MRAP2: variants seen among roughly 807,000 people sequenced by gnomAD.
MRAP2 encodes melanocortin-2 receptor accessory protein 2.
In MRAP2, 20 loss-of-function variants were observed where a neutral mutation model predicts 17.4. The ratio of observed to expected loss-of-function variants is 1.15; its 90% CI spans 0.81 to 1.67. The LOEUF is 1.67. Among genes scored for constraint, MRAP2 ranks in the 40% most tolerant of loss-of-function variants. MRAP2 has a pLI of 0.00. For synonymous variants in MRAP2, 96 were observed against 88.4 expected, an observed-to-expected ratio of 1.09 and a Z score of -0.48; for missense variants, 238 against 240.0, an observed-to-expected ratio of 0.99 and a Z score of 0.05.
At chr6:84,053,572 G>C (rs983075896) in intron 1 of MRAP2, among the ~76,000 whole-genome samples, 6 of 152,342 alleles carry the variant, frequency 3.9e-5, no homozygotes, top group East Asian at 1.9e-4. Flanking sequence ...TGGTGCATTT[G>C]ATAAGAATTG....
At chr6:84,134,390 G>C in the MRAP2 span, among the ~76,000 whole-genome samples, 1 of 152,074 alleles carries the variant, frequency 6.6e-6, no homozygotes, top group African/African-American at 2.4e-5. Context: ...CGCCACTGTG[G>C]TATGAAAAAA....
At chr6:84,121,166 C>T in the MRAP2 span, among the ~76,000 whole-genome samples, 3 of 151,602 alleles carry the variant, frequency 2.0e-5, no homozygotes, top group African/African-American at 7.3e-5. Flanking sequence ...CCTTGAACTC[C>T]TGGACTCAAG....
chr6:84,062,753 G>A (rs1377354568), intron 2 of MRAP2, 140 bp from the exon 3 acceptor site: 6 of 1,466,970 alleles, frequency 4.1e-6, no homozygotes, highest in Non-Finnish European at 5.4e-6. Flanking sequence ...CATCTTATCA[G>A]TCTCCAGCCA....
At chr6:84,142,423 C>T in the MRAP2 span, among the ~76,000 whole-genome samples, 44 of 152,112 alleles carry the variant, frequency 2.9e-4, no homozygotes, top group African/African-American at 9.2e-4. Flanking sequence ...TGTGTATATA[C>T]GTATACATTT....
chr6:84,096,579 C>T, the MRAP2 span, among the ~76,000 whole-genome samples: 2 of 152,190 alleles, frequency 1.3e-5, no homozygotes, highest in Non-Finnish European at 2.9e-5. Flanking sequence ...ATGATAACAA[C>T]AGTGTCATAG....
chr6:84,082,501 A>C (rs1459149714), intron 3 of MRAP2, among the ~76,000 whole-genome samples: 3 of 152,170 alleles, frequency 2.0e-5, no homozygotes, highest in Non-Finnish European at 4.4e-5. Context: ...TTTACTTTAG[A>C]ACAAAAATTT....
chr6:84,132,173 ACT>A, the MRAP2 span, among the ~76,000 whole-genome samples: 2 of 151,914 alleles, frequency 1.3e-5, no homozygotes, highest in African/African-American at 4.8e-5. Flanking sequence ...GTTGGCCCCC[ACT>A]CTCTTCTGGC....
At chr6:84,094,623 T>C (rs1356658875), downstream of MRAP2, among the ~76,000 whole-genome samples, 1 of 152,228 alleles carries the variant, frequency 6.6e-6, no homozygotes, top group Non-Finnish European at 1.5e-5. Context: ...CATTTTAATT[T>C]TCATCTGCAG....
chr6:84,055,596 A>G (rs2099491516), intron 2 of MRAP2, 151 bp downstream of exon 2: 1 of 738,234 alleles, frequency 1.4e-6, no homozygotes, highest in Non-Finnish European at 2.2e-6. Flanking sequence ...TCGCCTCCAC[A>G]CATAGGCTGA....
At chr6:84,041,075 G>A (rs1330710402) in intron 1 of MRAP2, among the ~76,000 whole-genome samples, 1 of 152,176 alleles carries the variant, frequency 6.6e-6, no homozygotes, top group Non-Finnish European at 1.5e-5. Flanking sequence ...CCCCCCTGCT[G>A]CGTGCAGTCT....
intron 1 of MRAP2, among the ~76,000 whole-genome samples, chr6:84,054,331 T>C (rs1307513618): frequency 1.3e-5 from 2 of 152,212 alleles, no homozygotes; most frequent in Non-Finnish European, 2.9e-5. Context: ...CATTGACTTA[T>C]CACCTTCGGT....
the MRAP2 span, among the ~76,000 whole-genome samples, chr6:84,098,534 A>G: frequency 9.2e-5 from 14 of 152,154 alleles, no homozygotes; most frequent in Admixed American, 5.2e-4. Context: ...TGTCTTTTTA[A>G]GAAACTGCTA....
chr6:84,133,500 C>T, the MRAP2 span, among the ~76,000 whole-genome samples: 6 of 152,144 alleles, frequency 3.9e-5, no homozygotes, highest in East Asian at 3.9e-4. Context: ...CCTTGAGTTG[C>T]GGTGGGCTCC....
chr6:84,088,799 C>T (rs1320304245), intron 3 of MRAP2, among the ~76,000 whole-genome samples: 1 of 152,120 alleles, frequency 6.6e-6, no homozygotes, highest in East Asian at 1.9e-4. Context: ...TCCAAGAATT[C>T]CACTGAAAAA....
At chr6:84,127,954 T>C in the MRAP2 span, among the ~76,000 whole-genome samples, 1 of 152,222 alleles carries the variant, frequency 6.6e-6, no homozygotes, top group African/African-American at 2.4e-5. Flanking sequence ...TATATTATGA[T>C]GTGCTAGGCA....
the MRAP2 span, among the ~76,000 whole-genome samples, chr6:84,140,709 G>A: frequency 6.6e-6 from 1 of 152,144 alleles, no homozygotes; most frequent in South Asian, 2.1e-4. Flanking sequence ...ATTTTTTATA[G>A]AGATGATGTC....
the MRAP2 span, among the ~76,000 whole-genome samples, chr6:84,135,620 T>TG: frequency 0.044 from 6,690 of 152,236 alleles, 476 homozygotes; most frequent in African/African-American, 0.15. Context: ...CCCAGCTCTT[T>TG]GGGAGGCTGA....
chr6:84,064,081 G>A (rs1588640860), intron 3 of MRAP2, among the ~76,000 whole-genome samples: 1 of 151,506 alleles, frequency 6.6e-6, no homozygotes, highest in African/African-American at 2.4e-5. Flanking sequence ...TGATAAAGGG[G>A]CTGTGCGGAA....
chr6:84,116,810 ACCAG>A, the MRAP2 span, among the ~76,000 whole-genome samples: 2 of 152,126 alleles, frequency 1.3e-5, no homozygotes. Context: ...TGTATGTTGA[ACCAG>A]CCTTGCATCC....
Sources: allele counts gnomAD v4.1 joint callset (sites outside exome capture counted in the v4.1 genomes callset), GRCh38; gene constraint gnomAD v4.1.1; transcripts MANE v1.5; gene names NCBI Gene and HGNC (gene_info 2026-07-23, HGNC 2026-07-21).